Variants in DOCK3 observed in about 807,000 individuals in gnomAD.
DOCK3 encodes the protein dedicator of cytokinesis protein 3.
DOCK3 carries 60 observed loss-of-function variants against 265.6 expected under a neutral mutation model. The observed-to-expected ratio is 0.23, with a 90% CI of 0.18 to 0.28. The LOEUF is 0.28. Among genes scored for constraint, DOCK3 ranks in the 10% least tolerant of loss-of-function variants. DOCK3 has a pLI of 1.00. For synonymous variants in DOCK3, 881 were observed against 938.0 expected (o/e 0.94, Z 1.11); for missense variants, 1,981 against 2,594.3 (o/e 0.76, Z 5.14).
Position 50,890,079 on chromosome 3 carries a change from G to A in DOCK3, c.216G>A (p.Arg72=). 1 of 1,433,238 alleles carries A rather than the reference G, an allele frequency of 7.0e-7. No homozygotes were observed. Among genetic ancestry groups the A allele is most frequent in the African/African-American group, 1.5e-5 (1 of 67,148 alleles). The allele number at this position is 1,433,238 out of a possible 1,614,324, so 88.8% of individuals were successfully genotyped here. The change falls in exon 4 of 53, where the codon AGG becomes AGA. Residue 72 remains arginine (R), a splice_region_variant and synonymous_variant. Coordinates refer to ENST00000266037, the MANE Select transcript of DOCK3 (RefSeq NM_004947.5). ...TGAAAAAGGCAATTGTCAGTAATAG[G>A]GGGTGAGTAATTGGCCTTACTAAAT... is the stretch of plus-strand genomic sequence containing the variant. ...IHLKKAIVSN[R]GQYETVVPLE... is the part of the protein sequence containing the mutation.
At chr3:50,758,701 AC>A (rs1484991036) in intron 1 of DOCK3, among the ~76,000 whole-genome samples, 2 of 152,172 alleles carry the variant, frequency 1.3e-5, no homozygotes, top group African/African-American at 4.8e-5. Flanking sequence ...GCCCCCGGCA[AC>A]CAAAATTCTA....
chr3:51,185,798 C>A (rs549003917), intron 12 of DOCK3, among the ~76,000 whole-genome samples: 1 of 151,998 alleles, frequency 6.6e-6, no homozygotes, highest in East Asian at 1.9e-4. Context: ...TGCACAAGCC[C>A]TTTTTTTTGC....
At chr3:50,922,950 A>G (rs529783065) in intron 4 of DOCK3, among the ~76,000 whole-genome samples, 2 of 152,116 alleles carry the variant, frequency 1.3e-5, no homozygotes, top group East Asian at 1.9e-4. Context: ...CCCAAAGTCC[A>G]TTGTATCATT....
chr3:51,213,437 C>A lies in DOCK3; in HGVS notation c.1127-685C>A, dbSNP rs143797016. 5.1e-3 allele frequency among the ~76,000 whole-genome samples: 774 copies of A among 152,204 alleles called. 6 individuals carry two copies. Among genetic ancestry groups the A allele is most frequent in the Middle Eastern group, 0.014 (4 of 294 alleles). On this transcript the variant is annotated intron_variant, in intron 13 of 52. Transcript: ENST00000266037. ...CAGGAGATTCTAACTTTGTGCACAA[C>A]TCCAAGGGTGTAAGTAGTGAGCCAG...
chr3:51,341,113 C>T, intron 37 of DOCK3, 124 bp from the exon 38 acceptor site: 1 of 1,215,346 alleles, frequency 8.2e-7, no homozygotes, highest in Non-Finnish European at 1.1e-6. Flanking sequence ...TATCCAGTGT[C>T]CCCGACCTGG....
chr3:50,787,476 G>C, intron 2 of DOCK3: 3 of 456,308 alleles, frequency 6.6e-6, no homozygotes, highest in Non-Finnish European at 1.2e-5. Flanking sequence ...TGGAGGTTGT[G>C]GTGAGCCGAG....
Position 51,341,229 on chromosome 3 carries a change from C to T in DOCK3, c.3767-8C>T, listed in dbSNP as rs1347472528. On this transcript the variant is annotated splice_polypyrimidine_tract_variant and splice_region_variant and intron_variant, in intron 37 of 52. Coordinates refer to ENST00000266037, the MANE Select transcript of DOCK3 (RefSeq NM_004947.5). ...GCCCCTGGACCTCCATGCTGTCTGTCCCCACAGAGGCCGCATTTACCCTGC... is the reference window on the plus strand; with the variant it reads ...GCCCCTGGACCTCCATGCTGTCTGTTCCCACAGAGGCCGCATTTACCCTGC... 6.4e-7 allele frequency: 1 copy of T among 1,564,484 alleles called. No homozygotes were observed. The highest frequency in any genetic ancestry group is 8.7e-7 in the Non-Finnish European group (1 of 1,154,418).
rs372557577 is a variant in DOCK3, at chr3:51,217,847, G to A, written c.1252+3600G>A. On this transcript the variant is annotated intron_variant, in intron 14 of 52. Coordinates refer to ENST00000266037, the MANE Select transcript of DOCK3 (RefSeq NM_004947.5). Reference sequence around the variant, plus strand: ...AAACCTCTAGGTCAGGCCAGGCACAGTGGCTCACACCTGTAATCCCAGCAC... The same window carrying A: ...AAACCTCTAGGTCAGGCCAGGCACAATGGCTCACACCTGTAATCCCAGCAC... Among the ~76,000 whole-genome samples, 3 of 152,232 alleles carry A rather than the reference G, an allele frequency of 2.0e-5. No individual in the cohort carries two copies. In the East Asian group the frequency reaches 5.8e-4, roughly 29 times the overall value.
intron 27 of DOCK3, among the ~76,000 whole-genome samples, chr3:51,297,117 CAAAAA>C (rs71633066): frequency 0.01 from 686 of 65,898 alleles, 4 homozygotes; most frequent in South Asian, 0.043. Context: ...GACTCTGTCT[CAAAAA>C]AAAAAAAAAA....
At chr3:51,081,881 G>A (rs1312261016) in intron 7 of DOCK3, among the ~76,000 whole-genome samples, 1 of 127,934 alleles carries the variant, frequency 7.8e-6, no homozygotes. Context: ...GGGCGACAGA[G>A]CAAGACTCTG....
At chr3:50,864,212 T>C (rs2047039011) in intron 3 of DOCK3, among the ~76,000 whole-genome samples, 1 of 152,194 alleles carries the variant, frequency 6.6e-6, no homozygotes, top group Non-Finnish European at 1.5e-5. Flanking sequence ...ATTAGTGATA[T>C]TGAGCATTGT....
chr3:50,837,438 G>A (rs900242534), intron 2 of DOCK3, among the ~76,000 whole-genome samples: 1 of 152,224 alleles, frequency 6.6e-6, no homozygotes, highest in Non-Finnish European at 1.5e-5. Flanking sequence ...GCAGATGAGA[G>A]AAGTGCTGAA....
At chr3:51,227,515 A>G in intron 16 of DOCK3, 70 bp downstream of exon 16, 1 of 1,572,086 alleles carries the variant, frequency 6.4e-7, no homozygotes, top group Middle Eastern at 1.7e-4. Flanking sequence ...TCTTGAACAG[A>G]ATTAAGTGGA....
intron 35 of DOCK3, 60 bp from the exon 36 acceptor site, chr3:51,338,299 C>T: frequency 6.5e-7 from 1 of 1,535,974 alleles, no homozygotes; most frequent in South Asian, 1.2e-5. Flanking sequence ...TAGTACAGTT[C>T]TATGTGTTGT....
chr3:50,912,596 T>C (rs1247649930), intron 4 of DOCK3, among the ~76,000 whole-genome samples: 1 of 152,102 alleles, frequency 6.6e-6, no homozygotes, highest in Non-Finnish European at 1.5e-5. Flanking sequence ...AGTAAAAAAC[T>C]TTAGAAGTCT....
Position 51,360,419 on chromosome 3 carries a change from A to T in DOCK3, c.4885-92A>T. ...CATATGATTCTTTTTTGTTTCTTTT[A>T]CATTTTTGATCACCAGTCAGTTATT... On this transcript the variant is annotated intron_variant, in intron 46 of 52. Coordinates refer to ENST00000266037, the MANE Select transcript of DOCK3 (RefSeq NM_004947.5). 27 of 1,473,674 alleles carry T rather than the reference A, an allele frequency of 1.8e-5. No homozygotes were observed. The Admixed American group carries it at 2.2e-4, about 12-fold the overall frequency. The allele number at this position is 1,473,674 out of a possible 1,614,324, so 91.3% of individuals were successfully genotyped here.
At position 51,146,574 on chromosome 3, in the gene DOCK3, A is replaced by G. The variant is rs1269049176; in HGVS notation, c.772A>G (p.Lys258Glu). The change falls in exon 10 of 53, where the codon AAG becomes GAG. Residue 258 changes from lysine to glutamate, a missense_variant. Coordinates refer to ENST00000266037, the MANE Select transcript of DOCK3 (RefSeq NM_004947.5). ...TGAGCGGTTTCTGGTAAGACTGAACAAGAATGGTGGGCCGAGGAACCCAGA... is the reference window on the plus strand; with the variant it reads ...TGAGCGGTTTCTGGTAAGACTGAACGAGAATGGTGGGCCGAGGAACCCAGA... ...ISERFLVRLN[K>E]NGGPRNPEKI... is the part of the protein sequence containing the mutation. 6.3e-7 allele frequency: 1 copy of G among 1,598,690 alleles called. No homozygotes were observed. Among genetic ancestry groups the G allele is most frequent in the Non-Finnish European group, 8.5e-7 (1 of 1,172,118 alleles).
At chr3:50,786,888 G>T in intron 2 of DOCK3, 2 of 737,792 alleles carry the variant, frequency 2.7e-6, no homozygotes, top group South Asian at 1.4e-5. Flanking sequence ...CCAGAATGCT[G>T]CAGGGAGTGC....
Position 51,089,276 on chromosome 3 carries a change from A to G in DOCK3, c.583A>G (p.Thr195Ala). The change falls in exon 8 of 53, where the codon ACA becomes GCA. Residue 195 changes from threonine (T) to alanine (A), a missense_variant. Transcript: ENST00000266037. ...LSSRQSVQQS[T>A]SQVDTMRPRH... ...TAGCCGGCAGAGTGTACAGCAAAGC[A>G]CATCCCAGGTAAGCGGCTTTCCTGG... The G allele has an allele frequency of 1.9e-6, 3 of 1,609,894 alleles. No individual in the cohort carries two copies. Among genetic ancestry groups the G allele is most frequent in the Non-Finnish European group, 2.5e-6 (3 of 1,178,048 alleles).
Sources: allele counts gnomAD v4.1 joint callset (sites outside exome capture counted in the v4.1 genomes callset), GRCh38; gene constraint gnomAD v4.1.1; transcripts MANE v1.5; gene names NCBI Gene and HGNC (gene_info 2026-07-23, HGNC 2026-07-21).